The following DKK3 variants were observed in gnomAD, a reference collection of about 807,000 sequenced individuals.
DKK3 encodes the protein dickkopf Wnt signaling pathway inhibitor 3.
In DKK3, 22 loss-of-function variants were observed where a neutral mutation model predicts 33.2. The ratio of observed to expected loss-of-function variants is 0.66; its 90% CI spans 0.47 to 0.95. The LOEUF (loss-of-function observed/expected upper bound fraction) is 0.95. DKK3 is among the 40% of genes least tolerant of loss of function. DKK3 has a pLI of 0.00. For missense variants in DKK3, 398 were observed against 458.4 expected, an observed-to-expected ratio of 0.87 and a Z score of 1.20; for synonymous variants, 194 against 188.8, an observed-to-expected ratio of 1.03 and a Z score of -0.23.
chr11:11,975,856 G>T (rs1023141820), intron 3 of DKK3, among the ~76,000 whole-genome samples: 2 of 152,212 alleles, frequency 1.3e-5, no homozygotes, highest in Non-Finnish European at 2.9e-5. Flanking sequence ...GCCATGTAGG[G>T]CTGAGACAGG....
intron 5 of DKK3, 30 bp from the exon 6 acceptor site, chr11:11,965,995 G>A: frequency 6.3e-7 from 1 of 1,593,874 alleles, no homozygotes; most frequent in Non-Finnish European, 8.5e-7. Context: ...ACCCCTGTGT[G>A]CCCCGTGTAG....
rs78110912 is a variant in DKK3, at chr11:11,977,860, G to C, written c.436-9373C>G. On this transcript the variant is annotated intron_variant, in intron 3 of 6. Transcript: ENST00000683431. The stretch of plus-strand genomic sequence containing the variant: ...TTGCATGGGACCTCTTTGTTTAGGG[G>C]CCTCAAAGTGGGGAACCTCATGAGG... Among the ~76,000 whole-genome samples, 760 of 152,258 alleles carry C rather than the reference G, an allele frequency of 5.0e-3. 7 individuals are homozygous for C. Among genetic ancestry groups the C allele is most frequent in the African/African-American group, 0.017 (723 of 41,530 alleles).
chr11:12,009,279 C>CGGGTGCGGGAGCGCGGCG (rs1310049602), upstream of DKK3: 23 of 984,142 alleles, frequency 2.3e-5, no homozygotes, highest in East Asian at 2.3e-4. Context: ...GGGCGGGCCG[C>CGGGTGCGGGAGCGCGGCG]GGGTGCGGGA....
rs760201315 is a variant in DKK3 at position 12,002,430 on chromosome 11, G to T, written c.221C>A (p.Ala74Glu). 33 of 1,612,234 alleles carry T rather than the reference G, an allele frequency of 2.0e-5. No homozygotes were observed. Among genetic ancestry groups the T allele is most frequent in the Non-Finnish European group, 2.7e-5 (32 of 1,179,326 alleles). ...TGATGCTTTAGCAGCAGCTTCTTCT[G>T]CCTCCATCTATTAAATCGATGAATT... ...KLRSAVEEME[A>E]EEAAAKASSE... Residue 74 changes from alanine (A) to glutamate (E), a missense_variant, in exon 2 of 7, where the codon GCA becomes GAA. Physicochemically the swap from Ala to Glu is moderately radical, Grantham distance 107. Coordinates refer to ENST00000683431, the MANE Select transcript of DKK3 (RefSeq NM_001018057.2).
At chr11:11,991,095 C>T (rs964786072) in intron 3 of DKK3, among the ~76,000 whole-genome samples, 18 of 152,226 alleles carry the variant, frequency 1.2e-4, no homozygotes, top group African/African-American at 4.1e-4. Context: ...CAGACGGATG[C>T]TGCACATGCA....
intron 3 of DKK3, among the ~76,000 whole-genome samples, chr11:11,971,829 C>T (rs1353492712): frequency 6.6e-6 from 1 of 151,924 alleles, no homozygotes; most frequent in African/African-American, 2.4e-5. Context: ...TTTCTAGGTA[C>T]GGAAAAAAAA....
chr11:11,975,173 T>C (rs1435403655), intron 3 of DKK3, among the ~76,000 whole-genome samples: 1 of 152,202 alleles, frequency 6.6e-6, no homozygotes, highest in Non-Finnish European at 1.5e-5. Flanking sequence ...AGCAAACTAA[T>C]ACATGCACCT....
chr11:11,973,386 CATGCATCCCCAG>C (rs1191554307), intron 3 of DKK3, among the ~76,000 whole-genome samples: 3 of 152,216 alleles, frequency 2.0e-5, no homozygotes, highest in Non-Finnish European at 2.9e-5. Context: ...CTCTGGGCCC[CATGCATCCCCAG>C]AGACAGAAGG....
rs773499512 is a variant in DKK3, at chr11:12,008,435, T to C, written c.148A>G (p.Met50Val). The C allele has an allele frequency of 2.5e-6, 4 of 1,611,362 alleles. No homozygotes were observed. Among genetic ancestry groups the C allele is most frequent in the Non-Finnish European group, 3.4e-6 (4 of 1,179,580 alleles). ...YPQEEATLNEMFREVEELMED... is the reference protein window; with the variant it reads ...YPQEEATLNEVFREVEELMED... ...ATCAGTTCCTCAACCTCGCGGAACA[T>C]CTCATTGAGGGTGGCCTCCTCCTGC... Residue 50 changes from methionine to valine, a missense_variant, in exon 1 of 7, where the codon ATG (methionine) becomes GTG (valine). Transcript: ENST00000683431. This position sits in a 1 kb window ranked among gnomAD's most constrained non-coding sequence, Gnocchi z 4.6.
At chr11:11,989,394 T>C (rs1330925264) in intron 3 of DKK3, among the ~76,000 whole-genome samples, 1 of 152,202 alleles carries the variant, frequency 6.6e-6, no homozygotes, top group African/African-American at 2.4e-5. Flanking sequence ...AAACCATGTA[T>C]TATCATTCAG....
chr11:11,974,846 G>A (rs1477950590), intron 3 of DKK3, among the ~76,000 whole-genome samples: 1 of 152,064 alleles, frequency 6.6e-6, no homozygotes, highest in Non-Finnish European at 1.5e-5. Flanking sequence ...AGAGGTTGCA[G>A]TGAGCCAAGA....
At chr11:11,974,147 T>C (rs1488931795) in intron 3 of DKK3, among the ~76,000 whole-genome samples, 1 of 152,240 alleles carries the variant, frequency 6.6e-6, no homozygotes, top group African/African-American at 2.4e-5. Context: ...GAGGGTCAAC[T>C]GCATGCAGAA....
chr11:11,977,223 C>T (rs12279524), intron 3 of DKK3, among the ~76,000 whole-genome samples: 8,406 of 152,192 alleles, frequency 0.055, 732 homozygotes, highest in African/African-American at 0.19. Flanking sequence ...CCCTTTAGTG[C>T]CTGTCATGCC....
chr11:11,994,692 A>T (rs1023311140), intron 3 of DKK3: 2 of 152,110 alleles, frequency 1.3e-5, no homozygotes, highest in Non-Finnish European at 2.9e-5. Context: ...CAAAGCCAGC[A>T]CCCCACTCGA....
At chr11:11,967,594 G>T (rs1247135042) in intron 4 of DKK3, among the ~76,000 whole-genome samples, 1 of 152,224 alleles carries the variant, frequency 6.6e-6, no homozygotes, top group African/African-American at 2.4e-5. Flanking sequence ...GTACCGAGTG[G>T]GGTTGGCTGC....
chr11:11,992,090 T>G (rs1183096485), intron 3 of DKK3, among the ~76,000 whole-genome samples: 1 of 152,224 alleles, frequency 6.6e-6, no homozygotes, highest in Non-Finnish European at 1.5e-5. Context: ...AATAAATGAA[T>G]GAATTAATAC....
intron 1 of DKK3, among the ~76,000 whole-genome samples, chr11:12,002,673 A>G (rs1006174951): frequency 2.6e-5 from 4 of 152,168 alleles, no homozygotes; most frequent in Admixed American, 6.5e-5. Flanking sequence ...CTCATATTAC[A>G]AATAGGGAAA....
intron 3 of DKK3, among the ~76,000 whole-genome samples, chr11:11,988,423 C>T (rs931021821): frequency 1.3e-5 from 2 of 152,230 alleles, no homozygotes; most frequent in African/African-American, 4.8e-5. Context: ...GCTTCCCATC[C>T]TGACCCACTT....
chr11:12,004,261 A>G (rs556499912), intron 1 of DKK3, among the ~76,000 whole-genome samples: 2 of 152,240 alleles, frequency 1.3e-5, no homozygotes, highest in East Asian at 3.9e-4. Flanking sequence ...TATTCTGAGG[A>G]TTTCCCTCCC....
Sources: allele counts gnomAD v4.1 joint callset (sites outside exome capture counted in the v4.1 genomes callset), GRCh38; gene constraint gnomAD v4.1.1; non-coding constraint Gnocchi (gnomAD v3.1); transcripts MANE v1.5; gene names NCBI Gene and HGNC (gene_info 2026-07-23, HGNC 2026-07-21).